The following SCUBE1 variants were observed in gnomAD, a reference collection of about 807,000 sequenced individuals.
SCUBE1 encodes the protein signal peptide, CUB domain and EGF like domain containing 1, also known as signal peptide, CUB and EGF-like domain-containing protein 1.
In SCUBE1, 59 loss-of-function variants were observed where a neutral mutation model predicts 124.4. That is an observed-to-expected ratio of 0.47 (90% confidence interval 0.38 to 0.59). SCUBE1 has a LOEUF of 0.59. SCUBE1 is among the 20% of genes least tolerant of loss of function. The pLI, the probability that SCUBE1 is intolerant of heterozygous loss-of-function variation, is 0.00. For missense variants in SCUBE1, 1,150 were observed against 1,371.2 expected (o/e 0.84, Z 2.55); for synonymous variants, 545 against 550.9 (o/e 0.99, Z 0.15).
intron 1 of SCUBE1, among the ~76,000 whole-genome samples, chr22:43,339,572 CAACA>C: frequency 6.6e-6 from 1 of 151,454 alleles, no homozygotes; most frequent in African/African-American, 2.4e-5. Context: ...CCTACTCCCC[CAACA>C]AGCATCACTC....
intron 3 of SCUBE1, among the ~76,000 whole-genome samples, chr22:43,312,540 G>A (rs534403448): frequency 6.6e-6 from 1 of 152,322 alleles, no homozygotes; most frequent in South Asian, 2.1e-4. Context: ...TACTGTGGAA[G>A]CAATGGCCAT....
intron 1 of SCUBE1, 36 bp from the exon 2 acceptor site, chr22:43,339,271 G>A: frequency 1.9e-6 from 3 of 1,605,198 alleles, no homozygotes; most frequent in South Asian, 2.2e-5. Flanking sequence ...AAGAGGTAAG[G>A]TGTGGCCCCA....
intron 2 of SCUBE1, among the ~76,000 whole-genome samples, chr22:43,330,555 C>T (rs1375293113): frequency 6.6e-6 from 1 of 152,234 alleles, no homozygotes; most frequent in African/African-American, 2.4e-5. Flanking sequence ...TTGGCCCCAG[C>T]ACCAAGCTTG....
intron 21 of SCUBE1, among the ~76,000 whole-genome samples, chr22:43,207,154 C>T (rs550774275): frequency 3.9e-5 from 6 of 152,176 alleles, no homozygotes; most frequent in East Asian, 1.9e-4. Flanking sequence ...CTAGTCCCAG[C>T]GGCAGGGGGG....
chr22:43,273,734 G>A (rs780443516), intron 4 of SCUBE1, among the ~76,000 whole-genome samples: 4 of 151,670 alleles, frequency 2.6e-5, no homozygotes, highest in African/African-American at 9.7e-5. Context: ...TACCACACCT[G>A]ACTAATTTTT....
rs112144045 is a variant in SCUBE1, at chr22:43,298,258, C to T, written c.350-7078G>A. On this transcript the variant is annotated intron_variant, in intron 3 of 21. Coordinates refer to ENST00000360835, the MANE Select transcript of SCUBE1 (RefSeq NM_173050.5). Reference sequence around the variant, plus strand: ...TCTCCGAGCTGTCAAGAGCTGCTGGCACAGGCGGCAGGAGGTATGCCTGGG... The same window carrying T: ...TCTCCGAGCTGTCAAGAGCTGCTGGTACAGGCGGCAGGAGGTATGCCTGGG... Among the ~76,000 whole-genome samples, 175 of 152,368 alleles carry T rather than the reference C, an allele frequency of 1.1e-3. 2 individuals carry two copies. Among genetic ancestry groups the T allele is most frequent in the African/African-American group, 3.6e-3 (150 of 41,600 alleles).
Position 43,227,373 on chromosome 22 carries a change from C to A in SCUBE1, c.1207+1G>T. The A allele has an allele frequency of 6.2e-7, 1 of 1,608,764 alleles. No individual in the cohort carries two copies. Among genetic ancestry groups the A allele is most frequent in the Non-Finnish European group, 8.5e-7 (1 of 1,179,206 alleles). ...GCCAGCAGCACAGGGCGGCCACCTA[C>A]CCACGCAATCCTTCCCGTTCCAGTG... On this transcript the variant is annotated splice_donor_variant, in intron 10 of 21. Transcript: ENST00000360835. LOFTEE classifies it high-confidence loss of function.
intron 6 of SCUBE1, among the ~76,000 whole-genome samples, chr22:43,246,888 G>T (rs1216571253): frequency 6.6e-6 from 1 of 151,932 alleles, no homozygotes; most frequent in Non-Finnish European, 1.5e-5. Context: ...GGCGGGGCAG[G>T]GAGTAGCTGG....
Position 43,221,294 on chromosome 22 carries a change from G to A in SCUBE1, c.1433-5C>T. 1 of 1,605,132 alleles carries A rather than the reference G, an allele frequency of 6.2e-7. No individual in the cohort carries two copies. Among genetic ancestry groups the A allele is most frequent in the Non-Finnish European group, 8.5e-7 (1 of 1,177,736 alleles). Reference sequence around the variant, plus strand: ...TGATGGGGGTGGTGGGGGCATCTGGGGAAAGCCAAAATTCCCCCAGGTGGT... The same window carrying A: ...TGATGGGGGTGGTGGGGGCATCTGGAGAAAGCCAAAATTCCCCCAGGTGGT... On this transcript the variant is annotated splice_polypyrimidine_tract_variant and splice_region_variant and intron_variant, in intron 12 of 21. Transcript: ENST00000360835.
At chr22:43,207,119 G>A (rs1217569223) in intron 21 of SCUBE1, among the ~76,000 whole-genome samples, 4 of 152,182 alleles carry the variant, frequency 2.6e-5, no homozygotes, top group Non-Finnish European at 2.9e-5. Context: ...GCCTCTCCAG[G>A]CTGGAAGCAG....
At chr22:43,214,361 G>C (rs1921716626) in intron 15 of SCUBE1, 110 bp from the exon 16 acceptor site, 5 of 1,156,464 alleles carry the variant, frequency 4.3e-6, no homozygotes, top group Non-Finnish European at 6.0e-6. Context: ...TTGTCCCCTG[G>C]GGCCCCAAGG....
chr22:43,227,389 C>A lies in SCUBE1; in HGVS notation c.1192G>T (p.Gly398Trp), dbSNP rs129415. Reference protein sequence around the residue: ...CPPGRRLHWNGKDCVETGKCL... With the variant: ...CPPGRRLHWNWKDCVETGKCL... ...GGCCACCTACCCACGCAATCCTTCC[C>A]GTTCCAGTGGAGCCGCCTCCCCGGG... Residue 398 changes from glycine (G) to tryptophan (W), a missense_variant, in exon 10 of 22, where the codon GGG (glycine) becomes TGG (tryptophan). Around this residue, in one of 3 missense-constraint regions of SCUBE1, gnomAD observed 757 missense variants for 840.9 expected, o/e 0.90. Coordinates refer to ENST00000360835, the MANE Select transcript of SCUBE1 (RefSeq NM_173050.5). 7 of 1,610,074 alleles carry A rather than the reference C, an allele frequency of 4.3e-6. No individual in the cohort carries two copies. Among genetic ancestry groups the A allele is most frequent in the South Asian group, 2.2e-5 (2 of 90,868 alleles).
chr22:43,225,834 C>T (rs148395163), intron 10 of SCUBE1, among the ~76,000 whole-genome samples: 113 of 152,204 alleles, frequency 7.4e-4, no homozygotes, highest in African/African-American at 2.6e-3. Context: ...CAATGAACAA[C>T]GCTTTCCTGC....
At chr22:43,222,989 A>AT in intron 11 of SCUBE1, 108 bp downstream of exon 11, 2 of 1,420,032 alleles carry the variant, frequency 1.4e-6, no homozygotes, top group Non-Finnish European at 1.9e-6. Context: ...AGAGACCCTC[A>AT]TTCCTAGGTC....
intron 4 of SCUBE1, among the ~76,000 whole-genome samples, chr22:43,281,715 T>C (rs1332971997): frequency 6.6e-6 from 1 of 152,226 alleles, no homozygotes; most frequent in East Asian, 1.9e-4. Context: ...CAGACCCTGA[T>C]GGCTTCCAGT....
At chr22:43,246,689 G>T (rs868847390) in intron 6 of SCUBE1, among the ~76,000 whole-genome samples, 35 of 152,368 alleles carry the variant, frequency 2.3e-4, no homozygotes, top group Middle Eastern at 3.4e-3. Context: ...AGCTCAGCCT[G>T]GAGGCTGCTC....
chr22:43,322,318 C>G (rs576990798), intron 2 of SCUBE1, among the ~76,000 whole-genome samples: 22 of 152,278 alleles, frequency 1.4e-4, no homozygotes, highest in African/African-American at 4.8e-4. Flanking sequence ...TGATTACTTC[C>G]CAGTCTCTGT....
intron 4 of SCUBE1, among the ~76,000 whole-genome samples, chr22:43,281,591 A>AGCCACCCTCCTGTCACCTCCCTTG (rs1924909849): frequency 9.6e-6 from 1 of 104,574 alleles, no homozygotes; most frequent in African/African-American, 4.3e-5. Flanking sequence ...CTCCCTTCTC[A>AGCCACCCTCCTGTCACCTCCCTTG]GCCACCCTCC....
chr22:43,303,586 G>A, intron 3 of SCUBE1, among the ~76,000 whole-genome samples: 1 of 152,228 alleles, frequency 6.6e-6, no homozygotes, highest in East Asian at 1.9e-4. Flanking sequence ...TCACGGAAAA[G>A]GGGGCACTCG....
Sources: allele counts gnomAD v4.1 joint callset (sites outside exome capture counted in the v4.1 genomes callset), GRCh38; gene constraint gnomAD v4.1.1; regional missense constraint gnomAD v4.1.1; transcripts MANE v1.5; gene names NCBI Gene and HGNC (gene_info 2026-07-23, HGNC 2026-07-21).